The following GNB1L variants were observed in gnomAD, a reference collection of about 807,000 sequenced individuals.
GNB1L encodes the protein guanine nucleotide-binding protein subunit beta-like protein 1.
Under a neutral mutation model 29.1 loss-of-function variants are expected in GNB1L, and 20 were observed. The observed-to-expected ratio is 0.69, with a 90% CI of 0.48 to 1.00. The LOEUF (loss-of-function observed/expected upper bound fraction) is 1.00, where lower values mean the gene tolerates loss of function less well. Among genes scored for constraint, GNB1L ranks in the 50% least tolerant of loss-of-function variants. GNB1L has a pLI of 0.00. For synonymous variants in GNB1L, 193 were observed against 206.5 expected (o/e 0.93, Z 0.56); for missense variants, 421 against 464.9 (o/e 0.91, Z 0.87).
intron 2 of GNB1L, among the ~76,000 whole-genome samples, chr22:19,838,383 C>T (rs1937801024): frequency 6.6e-6 from 1 of 152,164 alleles, no homozygotes; most frequent in Admixed American, 6.5e-5. Context: ...TACTGTGGGG[C>T]AACTGGAACC....
intron 7 of GNB1L, chr22:19,793,159 A>C: frequency 9.7e-7 from 1 of 1,029,592 alleles, no homozygotes; most frequent in Non-Finnish European, 1.4e-6. Flanking sequence ...CCTTCAAAAA[A>C]AAAATGAAAG....
At chr22:19,843,036 C>T (rs1457056264) in intron 2 of GNB1L, among the ~76,000 whole-genome samples, 3 of 152,216 alleles carry the variant, frequency 2.0e-5, no homozygotes, top group Non-Finnish European at 4.4e-5. Context: ...CTTTCCAAAT[C>T]CCGTGCATTG....
chr22:19,817,252 G>A (rs1180918367), intron 4 of GNB1L, among the ~76,000 whole-genome samples: 5 of 152,308 alleles, frequency 3.3e-5, no homozygotes, highest in African/African-American at 9.6e-5. Flanking sequence ...ACTTTGGGAC[G>A]CCAAGGTGGG....
chr22:19,848,624 G>C (rs984017684), intron 2 of GNB1L: 1 of 985,450 alleles, frequency 1.0e-6, no homozygotes, highest in Non-Finnish European at 1.2e-6. Context: ...TAAACAGGAC[G>C]CGTTTTAATT....
At chr22:19,814,257 GT>G (rs1937516980) in intron 4 of GNB1L, among the ~76,000 whole-genome samples, 1 of 152,136 alleles carries the variant, frequency 6.6e-6, no homozygotes, top group Non-Finnish European at 1.5e-5. Context: ...GTAATAACAG[GT>G]GCAGGCAGAG....
At chr22:19,821,911 A>G (rs5993844) in intron 2 of GNB1L, among the ~76,000 whole-genome samples, 20,379 of 152,086 alleles carry the variant, frequency 0.13, 2,300 homozygotes, top group African/African-American at 0.31. Context: ...CCCTCTGTCC[A>G]GGGCTCACTC....
chr22:19,854,217 G>A (rs1938180946), intron 2 of GNB1L, among the ~76,000 whole-genome samples: 1 of 152,290 alleles, frequency 6.6e-6, no homozygotes, highest in Admixed American at 6.5e-5. Flanking sequence ...TATCCTAAAG[G>A]GGCAGGTACC....
chr22:19,807,509 C>T (rs544521150), intron 5 of GNB1L, among the ~76,000 whole-genome samples: 49 of 152,316 alleles, frequency 3.2e-4, no homozygotes, highest in Admixed American at 2.9e-3. Flanking sequence ...AGCTCACTGG[C>T]CCCTGACAGA....
intron 2 of GNB1L, among the ~76,000 whole-genome samples, chr22:19,839,668 C>T (rs1242882543): frequency 1.3e-5 from 2 of 152,068 alleles, no homozygotes; most frequent in Non-Finnish European, 2.9e-5. Flanking sequence ...CACCTGAGGT[C>T]AGGAGTTCAA....
intron 2 of GNB1L, chr22:19,851,300 C>T: frequency 6.2e-7 from 1 of 1,613,982 alleles, no homozygotes; most frequent in Non-Finnish European, 8.5e-7. Flanking sequence ...GGGTTTTGGA[C>T]CTCCTGGATG....
intron 5 of GNB1L, among the ~76,000 whole-genome samples, chr22:19,809,027 C>T (rs1044272685): frequency 2.0e-5 from 3 of 152,010 alleles, no homozygotes; most frequent in Non-Finnish European, 2.9e-5. Context: ...GGGAAGTCAC[C>T]TGGCAAGGGC....
rs1457203448 is a variant in GNB1L, at chr22:19,786,282, C to T, written c.*2427G>A. 6.6e-6 allele frequency: 1 copy of T among 152,320 alleles called. No homozygotes were observed. Among genetic ancestry groups the T allele is most frequent in the Non-Finnish European group, 1.5e-5 (1 of 68,102 alleles). The allele number at this position is 152,320 out of a possible 1,614,324, so 9.4% of individuals were successfully genotyped here. A position where few individuals can be genotyped will look rare whatever the true frequency, so the allele number is the denominator to read the frequency against. On this transcript the variant is annotated 3_prime_UTR_variant, in exon 8 of 8. Coordinates refer to ENST00000329517, the MANE Select transcript of GNB1L (RefSeq NM_053004.3). Reference sequence around the variant, plus strand: ...CAGAACAAGATGTGCCTGGACACTGCTCAACGCCACATGGCCTGGGGCAGG... The same window carrying T: ...CAGAACAAGATGTGCCTGGACACTGTTCAACGCCACATGGCCTGGGGCAGG...
At position 19,797,957 on chromosome 22, in the gene GNB1L, C is replaced by G. The variant is rs140653914; in HGVS notation, c.732+4044G>C. Among the ~76,000 whole-genome samples the G allele has an allele frequency of 9.5e-4, 145 of 152,324 alleles. 3 individuals carry two copies. The East Asian group carries it at 0.01, about 11-fold the overall frequency. The stretch of plus-strand genomic sequence containing the variant: ...CCTGGCAGACCTTGGCTCTGGGGGT[C>G]TCGGCGGTATCCTGCCTGTGCACAC... On this transcript the variant is annotated intron_variant, in intron 7 of 7. Coordinates refer to ENST00000329517, the MANE Select transcript of GNB1L (RefSeq NM_053004.3).
At chr22:19,847,426 T>C (rs774348097) in intron 2 of GNB1L, 1 of 985,422 alleles carries the variant, frequency 1.0e-6, no homozygotes, top group Non-Finnish European at 1.2e-6. Flanking sequence ...ATGAGGTGGG[T>C]GTTAGAGGGC....
intron 2 of GNB1L, chr22:19,849,385 T>TTTGG: frequency 3.9e-6 from 3 of 762,218 alleles, no homozygotes; most frequent in Non-Finnish European, 4.8e-6. Context: ...TTTTTTTTTT[T>TTTGG]GGGATGGAGT....
intron 2 of GNB1L, among the ~76,000 whole-genome samples, chr22:19,836,884 A>C (rs978927178): frequency 2.6e-5 from 4 of 152,220 alleles, no homozygotes; most frequent in African/African-American, 9.6e-5. Context: ...GATTTTTAAA[A>C]AAACCCTCAG....
chr22:19,839,827 C>T (rs1937826831), intron 2 of GNB1L, among the ~76,000 whole-genome samples: 2 of 151,390 alleles, frequency 1.3e-5, no homozygotes, highest in South Asian at 4.2e-4. Context: ...TTGCAGTGAG[C>T]CAAGATCGTA....
At chr22:19,835,401 C>CAAAA (rs138573984) in intron 2 of GNB1L, among the ~76,000 whole-genome samples, 1 of 141,942 alleles carries the variant, frequency 7.0e-6, no homozygotes, top group South Asian at 2.2e-4. Flanking sequence ...AACAAACAAA[C>CAAAA]AAAAAAAAAA....
chr22:19,812,116 G>A (rs927308340), intron 5 of GNB1L, among the ~76,000 whole-genome samples, 169 bp downstream of exon 5: 16 of 152,268 alleles, frequency 1.1e-4, no homozygotes, highest in Non-Finnish European at 1.9e-4. Flanking sequence ...CACCCCAAGG[G>A]GACAGGCCCA....
Sources: allele counts gnomAD v4.1 joint callset (sites outside exome capture counted in the v4.1 genomes callset), GRCh38; gene constraint gnomAD v4.1.1; transcripts MANE v1.5; gene names NCBI Gene and HGNC (gene_info 2026-07-23, HGNC 2026-07-21).